COL4A4: variants seen among roughly 807,000 people sequenced by gnomAD.
COL4A4 encodes collagen type IV alpha 4 chain.
Under a neutral mutation model 192.9 loss-of-function variants are expected in COL4A4, and 105 were observed. That is an observed-to-expected ratio of 0.54 (90% CI 0.46 to 0.64). The LOEUF is 0.64. Ranked by LOEUF, COL4A4 falls within the 30% of genes least tolerant of loss-of-function variation. COL4A4 has a pLI of 0.00. For missense variants in COL4A4, 1,967 were observed against 2,169.3 expected (o/e 0.91, Z 1.85); for synonymous variants, 762 against 769.9 (o/e 0.99, Z 0.17).
At chr2:226,967,436 A>T in the COL4A4 span, among the ~76,000 whole-genome samples, 1 of 152,014 alleles carries the variant, frequency 6.6e-6, no homozygotes, top group East Asian at 1.9e-4. Context: ...CACAATGTGC[A>T]GGTTTGTTAC....
intron 25 of COL4A4, among the ~76,000 whole-genome samples, chr2:227,065,160 G>T (rs2058228951): frequency 6.6e-6 from 1 of 152,188 alleles, no homozygotes; most frequent in South Asian, 2.1e-4. Flanking sequence ...ACTCCCACCC[G>T]AATACTGCGC....
intron 34 of COL4A4, among the ~76,000 whole-genome samples, chr2:227,049,475 T>C (rs1973586713): frequency 6.6e-6 from 1 of 152,222 alleles, no homozygotes; most frequent in African/African-American, 2.4e-5. Context: ...ACTGAGACCA[T>C]ATGGCCCAAC....
chr2:226,982,742 G>A, the COL4A4 span, among the ~76,000 whole-genome samples: 2 of 152,134 alleles, frequency 1.3e-5, no homozygotes, highest in African/African-American at 2.4e-5. Flanking sequence ...TGCCCTAATG[G>A]TGTGTTAGCT....
intron 32 of COL4A4, 37 bp from the exon 33 acceptor site, chr2:227,051,195 A>G (rs767440878): frequency 6.2e-7 from 1 of 1,609,630 alleles, no homozygotes; most frequent in South Asian, 1.1e-5. Context: ...CTCTGCTGAA[A>G]TTTTGAGCTA....
downstream of COL4A4, among the ~76,000 whole-genome samples, chr2:227,002,016 T>G (rs1961082319): frequency 6.6e-6 from 1 of 151,634 alleles, no homozygotes; most frequent in Admixed American, 6.6e-5. Flanking sequence ...CTATAAAAAT[T>G]AAAAATTAAC....
In COL4A4 at chr2:227,003,840, A is replaced by G. The variant is rs1961513543; in HGVS notation, c.*3485T>C. 6.6e-6 allele frequency: 1 copy of G among 152,214 alleles called. No individual in the cohort carries two copies. The highest frequency in any genetic ancestry group is 2.1e-4 in the South Asian group (1 of 4,834). The allele number at this position is 152,214 out of a possible 1,614,324, so 9.4% of individuals were successfully genotyped here. On this transcript the variant is annotated 3_prime_UTR_variant, in exon 48 of 48. Coordinates refer to ENST00000396625, the MANE Select transcript of COL4A4 (RefSeq NM_000092.5). Reference sequence around the variant, plus strand: ...AAATTTCTGTTTATAGAAAAAACAAAAATCTATTTTTGGAGGGGTGTGATA... The same window carrying G: ...AAATTTCTGTTTATAGAAAAAACAAGAATCTATTTTTGGAGGGGTGTGATA...
At chr2:226,993,205 C>G in the COL4A4 span, among the ~76,000 whole-genome samples, 1 of 152,214 alleles carries the variant, frequency 6.6e-6, no homozygotes, top group Non-Finnish European at 1.5e-5. Context: ...CGGGCTTTTT[C>G]TTTTGAAGAA....
intron 8 of COL4A4, among the ~76,000 whole-genome samples, chr2:227,114,187 G>T (rs543388410): frequency 6.6e-6 from 1 of 152,344 alleles, no homozygotes; most frequent in African/African-American, 2.4e-5. Flanking sequence ...CTCCACTGGG[G>T]TGATTTCCCC....
At chr2:227,096,768 G>A (rs1029987017) in intron 19 of COL4A4, among the ~76,000 whole-genome samples, 4 of 152,148 alleles carry the variant, frequency 2.6e-5, no homozygotes, top group African/African-American at 7.2e-5. Context: ...AGTTCATAGT[G>A]CAAATGCATT....
chr2:227,135,956 T>C (rs1279640362), intron 4 of COL4A4, among the ~76,000 whole-genome samples: 1 of 152,158 alleles, frequency 6.6e-6, no homozygotes, highest in African/African-American at 2.4e-5. Flanking sequence ...TGAATTTTAG[T>C]TTCTTAATTT....
chr2:227,082,338 C>A, intron 22 of COL4A4, 151 bp from the exon 23 acceptor site: 1 of 728,058 alleles, frequency 1.4e-6, no homozygotes, highest in Non-Finnish European at 2.4e-6. Flanking sequence ...CCCTGCCTTC[C>A]AAGGTAGTCC....
rs1189502123 is a variant in COL4A4, at chr2:227,032,028, C to A, written c.3734G>T (p.Gly1245Val). 11 of 1,613,928 alleles carry A rather than the reference C, an allele frequency of 6.8e-6. No homozygotes were observed. The highest frequency in any genetic ancestry group is 9.3e-6 in the Non-Finnish European group (11 of 1,179,942). Residue 1245 changes from glycine (G) to valine (V), a missense_variant, in exon 40 of 48, where the codon GGT (glycine) becomes GTT (valine). Coordinates refer to ENST00000396625, the MANE Select transcript of COL4A4 (RefSeq NM_000092.5). ...PGSSGPPGPA[G>V]ATGRAPKDIP... ...GTCCTTAGGAGCTCTTCCTGTGGCA[C>A]CTGCAGGACCAGGTGGTCCTGAACT...
At chr2:227,030,798 G>C (rs901669463) in intron 40 of COL4A4, among the ~76,000 whole-genome samples, 200 bp from the exon 41 acceptor site, 10 of 152,138 alleles carry the variant, frequency 6.6e-5, no homozygotes, top group Non-Finnish European at 4.4e-5. Context: ...TGTAGATAAT[G>C]GGTTGGTAAC....
chr2:226,994,837 C>T, the COL4A4 span, among the ~76,000 whole-genome samples: 19 of 152,282 alleles, frequency 1.2e-4, no homozygotes, highest in African/African-American at 4.3e-4. Flanking sequence ...TTTTCAGTAA[C>T]GATTTCCACA....
intron 4 of COL4A4, among the ~76,000 whole-genome samples, chr2:227,139,247 G>T (rs529513684): frequency 6.6e-6 from 1 of 152,146 alleles, no homozygotes. Context: ...TAAATTTCTC[G>T]TAAGCCACCC....
rs752390708 is a variant in COL4A4, at chr2:227,099,636, T to C, written c.1083A>G (p.Pro361=). The change falls in exon 18 of 48, where the codon CCA becomes CCG. Residue 361 remains proline (P), a synonymous_variant. Coordinates refer to ENST00000396625, the MANE Select transcript of COL4A4 (RefSeq NM_000092.5). ...HPGPPGVLVT[P]PLPLKGPPGD... ...AACACAAACCTTTGAGTGGAAGAGG[T>C]GGAGTCACCAAAACACCTGGTGGTC... The C allele has an allele frequency of 1.9e-6, 3 of 1,614,098 alleles. No individual in the cohort carries two copies. Among genetic ancestry groups the C allele is most frequent in the Admixed American group, 3.3e-5 (2 of 60,026 alleles).
chr2:227,144,781 C>G (rs1054057915), intron 2 of COL4A4, among the ~76,000 whole-genome samples: 2 of 152,164 alleles, frequency 1.3e-5, no homozygotes, highest in African/African-American at 4.8e-5. Context: ...TGTTGAACCC[C>G]TTGTGTGGTC....
chr2:226,971,765 T>A, the COL4A4 span, among the ~76,000 whole-genome samples: 4 of 152,206 alleles, frequency 2.6e-5, no homozygotes, highest in Admixed American at 6.5e-5. Context: ...AAGTTATCTG[T>A]CATGTAATTT....
chr2:227,070,584 C>T (rs375714532), intron 25 of COL4A4, among the ~76,000 whole-genome samples: 8 of 151,894 alleles, frequency 5.3e-5, no homozygotes, highest in African/African-American at 1.7e-4. Flanking sequence ...ATGGATGAAA[C>T]TGGAAATCAT....
Sources: gnomAD v4.1 joint callset for allele counts (sites outside exome capture counted in the v4.1 genomes callset) on GRCh38, gnomAD v4.1.1 for gene constraint, MANE v1.5 for transcripts, NCBI Gene and HGNC (gene_info 2026-07-23, HGNC 2026-07-21) for gene names.